SLC17A1: variants seen among roughly 807,000 people sequenced by gnomAD.
The protein encoded by SLC17A1 is solute carrier family 17 member 1.
Under a neutral mutation model 53.5 loss-of-function variants are expected in SLC17A1, and 51 were observed. The observed-to-expected ratio is 0.95, with a 90% CI of 0.76 to 1.20. The LOEUF is 1.20. Among genes scored for constraint, SLC17A1 ranks in the 50% most tolerant of loss-of-function variants. The pLI is 0.00. For synonymous variants in SLC17A1, 179 were observed against 198.8 expected, an observed-to-expected ratio of 0.90 and a Z score of 0.84; for missense variants, 538 against 568.2, an observed-to-expected ratio of 0.95 and a Z score of 0.54.
intron 6 of SLC17A1, among the ~76,000 whole-genome samples, chr6:25,816,960 G>T (rs1764380257): frequency 6.6e-6 from 1 of 150,922 alleles, no homozygotes; most frequent in Non-Finnish European, 1.5e-5. Flanking sequence ...TGATTCTCCT[G>T]CCTCAGCCTT....
At chr6:25,734,741 A>G in the SLC17A1 span, among the ~76,000 whole-genome samples, 41,351 of 152,174 alleles carry the variant, frequency 0.27, 6,840 homozygotes, top group East Asian at 0.7. Flanking sequence ...ATGCTTAAAA[A>G]GCATTTGTTA....
chr6:25,826,567 GTTA>G lies in SLC17A1; in HGVS notation c.98_100del (p.Ile33del), dbSNP rs1202426904. On this transcript the variant is annotated inframe_deletion, in exon 3 of 13. Coordinates refer to ENST00000244527, the MANE Select transcript of SLC17A1 (RefSeq NM_005074.5). ...GAGGTTCAGGCACGCACGCTGTGCT[GTTA>G]TTATAACATTACAACAGTGCACAAG... is the stretch of plus-strand genomic sequence containing the variant. 6.2e-7 allele frequency: 1 copy of G among 1,611,892 alleles called. No individual in the cohort carries two copies. The highest frequency in any genetic ancestry group is 8.5e-7 in the Non-Finnish European group (1 of 1,178,660).
chr6:25,826,689 T>G lies in SLC17A1; in HGVS notation c.35-56A>C. ...TGACAGAGCTGAGATAAAAACATAC[T>G]TTAACTATAGGAGGGACATTCAGAA... On this transcript the variant is annotated intron_variant, in intron 2 of 12. Coordinates refer to ENST00000244527, the MANE Select transcript of SLC17A1 (RefSeq NM_005074.5). 10 of 1,351,842 alleles carry G rather than the reference T, an allele frequency of 7.4e-6. 2 individuals are homozygous for G. The South Asian group carries it at 1.7e-4, about 23-fold the overall frequency. The allele number at this position is 1,351,842 out of a possible 1,614,324, so 83.7% of individuals were successfully genotyped here.
the SLC17A1 span, among the ~76,000 whole-genome samples, chr6:25,755,433 C>A: frequency 6.6e-6 from 1 of 152,180 alleles, no homozygotes; most frequent in Non-Finnish European, 1.5e-5. Context: ...GTGCTGAGAC[C>A]ACCTAAGATG....
At chr6:25,753,872 G>C in the SLC17A1 span, among the ~76,000 whole-genome samples, 1 of 152,130 alleles carries the variant, frequency 6.6e-6, no homozygotes, top group Non-Finnish European at 1.5e-5. Context: ...GATCTCCTTG[G>C]GAGTGAGTTT....
At chr6:25,723,925 A>G in the SLC17A1 span, among the ~76,000 whole-genome samples, 1 of 152,258 alleles carries the variant, frequency 6.6e-6, no homozygotes, top group African/African-American at 2.4e-5. Context: ...CTACCTGGAA[A>G]ACCACAGAGG....
chr6:25,757,903 C>T, the SLC17A1 span, among the ~76,000 whole-genome samples: 85 of 152,278 alleles, frequency 5.6e-4, no homozygotes, highest in Admixed American at 5.9e-4. Context: ...TCAGGCAGTC[C>T]GCCCTGTCTT....
chr6:25,808,534 A>C (rs1168645745), intron 10 of SLC17A1, among the ~76,000 whole-genome samples: 1 of 152,026 alleles, frequency 6.6e-6, no homozygotes, highest in African/African-American at 2.4e-5. Flanking sequence ...CAGAGTTAAC[A>C]AGGAACTCCA....
the SLC17A1 span, chr6:25,726,055 T>G: frequency 7.5e-7 from 1 of 1,341,816 alleles, no homozygotes; most frequent in South Asian, 1.6e-5. Flanking sequence ...AGCCTTTTTC[T>G]GAGACGGTAG....
chr6:25,726,458 A>G, the SLC17A1 span: 4 of 1,613,970 alleles, frequency 2.5e-6, no homozygotes, highest in Admixed American at 3.3e-5. Flanking sequence ...GGAAACTGCA[A>G]ACCCGCTCTA....
chr6:25,831,817 A>G (rs891064046), intron 1 of SLC17A1, among the ~76,000 whole-genome samples, 177 bp downstream of exon 1: 2 of 152,242 alleles, frequency 1.3e-5, no homozygotes, highest in Middle Eastern at 3.4e-3. Context: ...ATTGCTAAAA[A>G]TATGTTCTTT....
At chr6:25,769,506 G>A in the SLC17A1 span, among the ~76,000 whole-genome samples, 1 of 151,560 alleles carries the variant, frequency 6.6e-6, no homozygotes, top group East Asian at 1.9e-4. Context: ...TGCAGTGAGC[G>A]GAGATCGTGC....
downstream of SLC17A1, among the ~76,000 whole-genome samples, chr6:25,778,348 T>C (rs1763112857): frequency 6.6e-6 from 1 of 151,834 alleles, no homozygotes. Context: ...GGTTTTTCAC[T>C]GGTAAATCAG....
the SLC17A1 span, among the ~76,000 whole-genome samples, chr6:25,736,550 A>T: frequency 6.6e-6 from 1 of 152,276 alleles, no homozygotes; most frequent in East Asian, 1.9e-4. Flanking sequence ...TTAGAGCCAA[A>T]CAAGGGGTAT....
At chr6:25,732,805 C>A in the SLC17A1 span, 1 of 669,514 alleles carries the variant, frequency 1.5e-6, no homozygotes, top group Non-Finnish European at 2.4e-6. Context: ...GGAGCCACTA[C>A]CACAAAGTCC....
At chr6:25,800,657 C>T in intron 11 of SLC17A1, among the ~76,000 whole-genome samples, 1 of 152,082 alleles carries the variant, frequency 6.6e-6, no homozygotes, top group Non-Finnish European at 1.5e-5. Flanking sequence ...ACTTCTGTAC[C>T]AATGGGCAAT....
the SLC17A1 span, among the ~76,000 whole-genome samples, chr6:25,724,197 G>A: frequency 2.8e-4 from 42 of 152,196 alleles, no homozygotes; most frequent in Non-Finnish European, 5.7e-4. Flanking sequence ...GCTGAGGCTG[G>A]CGGATCACCT....
chr6:25,819,641 G>A, intron 4 of SLC17A1, 41 bp downstream of exon 4: 1 of 1,611,340 alleles, frequency 6.2e-7, no homozygotes, highest in South Asian at 1.1e-5. Context: ...AATACTTCCT[G>A]TGAATTTAAA....
the SLC17A1 span, among the ~76,000 whole-genome samples, chr6:25,756,313 TC>T: frequency 6.6e-6 from 1 of 152,188 alleles, no homozygotes; most frequent in African/African-American, 2.4e-5. Flanking sequence ...CTGGAATTGT[TC>T]TTGCTCAGCG....
Sources: allele counts gnomAD v4.1 joint callset (sites outside exome capture counted in the v4.1 genomes callset), GRCh38; gene constraint gnomAD v4.1.1; transcripts MANE v1.5; gene names NCBI Gene and HGNC (gene_info 2026-07-23, HGNC 2026-07-21).